Variants in POFUT3 observed in about 807,000 individuals in gnomAD.
POFUT3 encodes GDP-fucose protein O-fucosyltransferase 3.
chr8:33,317,431 T>C, the POFUT3 span, among the ~76,000 whole-genome samples: 1 of 152,094 alleles, frequency 6.6e-6, no homozygotes, highest in Non-Finnish European at 1.5e-5. Context: ...TAGACAAAGC[T>C]TCACTTCCAT....
the POFUT3 span, among the ~76,000 whole-genome samples, chr8:33,335,151 A>ATGTGTGTGTGTGTGTG: frequency 4.5e-3 from 650 of 145,870 alleles, 1 homozygote; most frequent in East Asian, 0.023. Context: ...AAAGAAATAT[A>ATGTGTGTGTGTGTGTG]TGTGTGTGTG....
chr8:33,468,657 T>C, the POFUT3 span, among the ~76,000 whole-genome samples: 4 of 152,204 alleles, frequency 2.6e-5, no homozygotes, highest in Non-Finnish European at 5.9e-5. Context: ...TCCTTTCAAC[T>C]ACACCTCAAT....
the POFUT3 span, among the ~76,000 whole-genome samples, chr8:33,393,416 T>C: frequency 6.6e-6 from 1 of 152,198 alleles, no homozygotes; most frequent in Admixed American, 6.5e-5. Flanking sequence ...GTAAAGGGAA[T>C]TGCAACTTGG....
the POFUT3 span, chr8:33,460,678 T>C: frequency 1.0e-6 from 1 of 967,782 alleles, no homozygotes; most frequent in South Asian, 4.8e-5. Context: ...CCTGTTTCTC[T>C]ACAACCAGGA....
chr8:33,333,335 G>C, the POFUT3 span, among the ~76,000 whole-genome samples: 6 of 152,324 alleles, frequency 3.9e-5, no homozygotes, highest in East Asian at 1.2e-3. Flanking sequence ...AAGGAGGTCA[G>C]ACCATGTAGT....
the POFUT3 span, among the ~76,000 whole-genome samples, chr8:33,433,139 C>G: frequency 1.2e-4 from 19 of 152,038 alleles, no homozygotes; most frequent in African/African-American, 3.9e-4. Context: ...GAGGCTGAGG[C>G]AGGAGAACCA....
chr8:33,406,460 G>C, the POFUT3 span, among the ~76,000 whole-genome samples: 1 of 151,858 alleles, frequency 6.6e-6, no homozygotes, highest in African/African-American at 2.4e-5. Flanking sequence ...TATTTTTTGA[G>C]ACAGGGTCTC....
chr8:33,449,935 C>CTT, the POFUT3 span, among the ~76,000 whole-genome samples: 3,196 of 112,312 alleles, frequency 0.028, 188 homozygotes, highest in African/African-American at 0.079. Flanking sequence ...TGAAGCTTTT[C>CTT]TTTTTTTTTT....
At chr8:33,422,268 C>A in the POFUT3 span, among the ~76,000 whole-genome samples, 2 of 150,994 alleles carry the variant, frequency 1.3e-5, no homozygotes, top group African/African-American at 4.9e-5. Context: ...CCAGGCCTGG[C>A]GCGGTGGTTC....
chr8:33,417,802 T>C, the POFUT3 span, among the ~76,000 whole-genome samples: 1 of 151,752 alleles, frequency 6.6e-6, no homozygotes, highest in African/African-American at 2.4e-5. Flanking sequence ...AGGAAACGTC[T>C]AAGGCAAGAA....
the POFUT3 span, among the ~76,000 whole-genome samples, chr8:33,435,121 C>G: frequency 1.2e-3 from 190 of 152,294 alleles, no homozygotes; most frequent in African/African-American, 4.5e-3. Context: ...CTTCTCATGA[C>G]TATGCTCCCT....
At chr8:33,449,767 T>G in the POFUT3 span, among the ~76,000 whole-genome samples, 1 of 152,004 alleles carries the variant, frequency 6.6e-6, no homozygotes, top group Non-Finnish European at 1.5e-5. Flanking sequence ...CCACTCTGCT[T>G]GATGTACCTC....
At chr8:33,383,921 C>A in the POFUT3 span, among the ~76,000 whole-genome samples, 7 of 151,426 alleles carry the variant, frequency 4.6e-5, no homozygotes, top group African/African-American at 1.7e-4. Flanking sequence ...CCACCACCAC[C>A]ATTTAATTCA....
chr8:33,331,687 G>T, the POFUT3 span, among the ~76,000 whole-genome samples: 4 of 151,556 alleles, frequency 2.6e-5, no homozygotes, highest in South Asian at 2.1e-4. Flanking sequence ...TGTTGTTGTT[G>T]TTTTTTGAGA....
chr8:33,392,632 A>T, the POFUT3 span, among the ~76,000 whole-genome samples: 3 of 152,074 alleles, frequency 2.0e-5, no homozygotes, highest in East Asian at 5.8e-4. Flanking sequence ...CCCTGCAAGC[A>T]TCTCTCCTAA....
chr8:33,410,689 T>C, the POFUT3 span, among the ~76,000 whole-genome samples: 2 of 152,160 alleles, frequency 1.3e-5, no homozygotes, highest in South Asian at 4.1e-4. Flanking sequence ...ACACAGCCCT[T>C]TGCATTGCAC....
chr8:33,346,926 CTATG>C, the POFUT3 span, among the ~76,000 whole-genome samples: 1 of 152,074 alleles, frequency 6.6e-6, no homozygotes, highest in Non-Finnish European at 1.5e-5. Flanking sequence ...GAGAAAACTT[CTATG>C]AAGTTTTAGT....
At chr8:33,440,638 G>A in the POFUT3 span, among the ~76,000 whole-genome samples, 2 of 152,174 alleles carry the variant, frequency 1.3e-5, no homozygotes, top group Middle Eastern at 3.4e-3. Flanking sequence ...ATGGAGTCAC[G>A]TGAACCACTT....
chr8:33,404,329 C>T, the POFUT3 span, among the ~76,000 whole-genome samples: 3 of 142,976 alleles, frequency 2.1e-5, no homozygotes, highest in East Asian at 6.0e-4. Context: ...CAGAGTAAGG[C>T]TCTGTCTCAA....
Sources: gnomAD v4.1 joint callset for allele counts (sites outside exome capture counted in the v4.1 genomes callset) on GRCh38, gnomAD v4.1.1 for gene constraint, MANE v1.5 for transcripts, NCBI Gene and HGNC (gene_info 2026-07-23, HGNC 2026-07-21) for gene names.